Variants in IL1RAPL2 observed in about 807,000 individuals in gnomAD.
IL1RAPL2 encodes the protein X-linked interleukin-1 receptor accessory protein-like 2.
In IL1RAPL2, 3 loss-of-function variants were observed where a neutral mutation model predicts 44.1. That is an observed-to-expected ratio of 0.07 (90% confidence interval 0.03 to 0.18). The LOEUF (loss-of-function observed/expected upper bound fraction) is 0.18, where lower values mean the gene tolerates loss of function less well. IL1RAPL2 is among the 10% of genes least tolerant of loss of function. The probability of loss-of-function intolerance (pLI) is 1.00; values close to 1 mark genes in which losing one functional copy is unlikely to be tolerated. For missense variants in IL1RAPL2, 391 were observed against 496.4 expected (o/e 0.79, Z 2.02); for synonymous variants, 181 against 178.8 (o/e 1.01, Z -0.10).
At chrX:104,675,785 G>T (rs1428879427) in intron 2 of IL1RAPL2, among the ~76,000 whole-genome samples, 1 of 110,344 alleles carries the variant, frequency 9.1e-6, no homozygotes, top group East Asian at 2.8e-4. Context: ...TGGTGCTCCT[G>T]TATTGGGTGC....
intron 5 of IL1RAPL2, among the ~76,000 whole-genome samples, chrX:105,351,599 G>A (rs2035155026): frequency 9.1e-6 from 1 of 110,142 alleles, no homozygotes; most frequent in South Asian, 4.0e-4. Context: ...ATGGACACAG[G>A]GAGGGGAACA....
At chrX:104,630,979 T>A (rs1057237055) in intron 1 of IL1RAPL2, among the ~76,000 whole-genome samples, 1 of 110,700 alleles carries the variant, frequency 9.0e-6, no homozygotes, top group Admixed American at 9.7e-5. Flanking sequence ...CCTAATGCTA[T>A]CCTACCCCCC....
At chrX:104,644,565 T>A (rs985814514) in intron 1 of IL1RAPL2, among the ~76,000 whole-genome samples, 11 of 111,459 alleles carry the variant, frequency 9.9e-5, no homozygotes, top group Non-Finnish European at 1.7e-4. Context: ...CTGTTTTTTT[T>A]AAGTGTCCTT....
chrX:104,611,709 C>T (rs1373237304), intron 1 of IL1RAPL2, among the ~76,000 whole-genome samples: 3 of 109,093 alleles, frequency 2.7e-5, no homozygotes, highest in African/African-American at 1.0e-4. Flanking sequence ...TGATGGCAGG[C>T]GCCTGTAGTC....
At chrX:104,761,870 C>T (rs938576868) in intron 2 of IL1RAPL2, among the ~76,000 whole-genome samples, 1 of 44,961 alleles carries the variant, frequency 2.2e-5, no homozygotes, top group East Asian at 6.1e-4. Context: ...TCTCCTTCTC[C>T]TTCTCCTTCT....
chrX:104,585,648 G>A (rs1487390696), intron 1 of IL1RAPL2, among the ~76,000 whole-genome samples: 3 of 102,698 alleles, frequency 2.9e-5, no homozygotes, highest in East Asian at 3.1e-4. Context: ...CTATGTGACC[G>A]TGTGTTCTCA....
intron 5 of IL1RAPL2, among the ~76,000 whole-genome samples, chrX:105,358,037 T>TAAAA (rs774626399): frequency 0.033 from 1,328 of 40,597 alleles, 75 homozygotes; most frequent in African/African-American, 0.097. Context: ...ATCCTATTTC[T>TAAAA]AAAAAAAAAA....
chrX:104,725,228 G>A (rs1931764819), intron 2 of IL1RAPL2, among the ~76,000 whole-genome samples: 1 of 111,381 alleles, frequency 9.0e-6, no homozygotes, highest in Admixed American at 9.6e-5. Context: ...CCTTTTTATG[G>A]CTGCATAGTA....
At chrX:104,820,056 T>A (rs1454793103) in intron 2 of IL1RAPL2, among the ~76,000 whole-genome samples, 1 of 111,710 alleles carries the variant, frequency 9.0e-6, no homozygotes, top group Non-Finnish European at 1.9e-5. Context: ...CACCCTGTGT[T>A]CTCTAGATAA....
Position 105,333,928 on chromosome X carries a change from G to C in IL1RAPL2, c.697+66387G>C, listed in dbSNP as rs190763891. 3.6e-5 allele frequency among the ~76,000 whole-genome samples: 4 copies of C among 111,907 alleles called. No individual in the cohort carries two copies. The East Asian group carries it at 1.1e-3, about 32-fold the overall frequency. ...ACCCTCGTCCACTGTTGGTAGGAATGTAAATTAGTACAACCACTATGGAGT... is the reference window on the plus strand; with the variant it reads ...ACCCTCGTCCACTGTTGGTAGGAATCTAAATTAGTACAACCACTATGGAGT... On this transcript the variant is annotated intron_variant, in intron 5 of 10. Coordinates refer to ENST00000372582, the MANE Select transcript of IL1RAPL2 (RefSeq NM_017416.2).
At chrX:104,651,395 A>T (rs1407075167) in intron 1 of IL1RAPL2, among the ~76,000 whole-genome samples, 1 of 112,166 alleles carries the variant, frequency 8.9e-6, no homozygotes, top group Non-Finnish European at 1.9e-5. Context: ...TATAAAATCT[A>T]GTTCATGTTT....
At chrX:105,178,349 C>A (rs776691720) in intron 2 of IL1RAPL2, among the ~76,000 whole-genome samples, 3 of 111,650 alleles carry the variant, frequency 2.7e-5, no homozygotes, top group Non-Finnish European at 5.6e-5. Context: ...GTATAGATAC[C>A]AAATTTTCTT....
chrX:105,173,731 T>C (rs1448454215), intron 2 of IL1RAPL2, among the ~76,000 whole-genome samples: 1 of 109,188 alleles, frequency 9.2e-6, no homozygotes. Flanking sequence ...GCTGCTTCTT[T>C]TTTTTTTTTT....
intron 1 of IL1RAPL2, among the ~76,000 whole-genome samples, chrX:104,630,174 G>A (rs762512547): frequency 2.1e-5 from 2 of 97,368 alleles, no homozygotes; most frequent in East Asian, 6.6e-4. Context: ...TTGAGACGTA[G>A]TCTCACTCTG....
In IL1RAPL2 at chrX:104,755,147, T is replaced by C. The variant is rs1056406062; in HGVS notation, c.82+96152T>C. ...CAAATCTCTGAAATGATCAACAATA[T>C]CATACTCACGGTATCTTGTAATAGA... On this transcript the variant is annotated intron_variant, in intron 2 of 10. Coordinates refer to ENST00000372582, the MANE Select transcript of IL1RAPL2 (RefSeq NM_017416.2). Among the ~76,000 whole-genome samples, 10 of 111,540 alleles carry C rather than the reference T, an allele frequency of 9.0e-5. No homozygotes were observed. The East Asian group carries it at 2.8e-3, about 32-fold the overall frequency.
chrX:105,342,604 C>G (rs1160136561), intron 5 of IL1RAPL2, among the ~76,000 whole-genome samples: 1 of 111,668 alleles, frequency 9.0e-6, no homozygotes, highest in East Asian at 2.8e-4. Flanking sequence ...GAAGAGAGAA[C>G]CTCAGAGCAA....
chrX:105,014,782 C>T lies in IL1RAPL2; in HGVS notation c.83-180693C>T, dbSNP rs778451049. Among the ~76,000 whole-genome samples, 3 of 112,159 alleles carry T rather than the reference C, an allele frequency of 2.7e-5. No individual in the cohort carries two copies. The East Asian group carries it at 8.4e-4, about 32-fold the overall frequency. On this transcript the variant is annotated intron_variant, in intron 2 of 10. Transcript: ENST00000372582. ...CAGTGCCACAATAAACATATGGGTG[C>T]GTGTGTCTTTATAGTAGAATGATTT...
chrX:104,617,253 G>C (rs747497242), intron 1 of IL1RAPL2, among the ~76,000 whole-genome samples: 22 of 111,882 alleles, frequency 2.0e-4, no homozygotes, highest in African/African-American at 7.1e-4. Context: ...GCCTGATGGG[G>C]TTCCCTTTGC....
intron 6 of IL1RAPL2, among the ~76,000 whole-genome samples, chrX:105,505,555 A>C (rs906680257): frequency 2.7e-5 from 3 of 111,142 alleles, no homozygotes; most frequent in African/African-American, 9.8e-5. Flanking sequence ...GCATATATTA[A>C]GGTCTTGCAG....
Sources: allele counts gnomAD v4.1 joint callset (sites outside exome capture counted in the v4.1 genomes callset), GRCh38; gene constraint gnomAD v4.1.1; transcripts MANE v1.5; gene names NCBI Gene and HGNC (gene_info 2026-07-23, HGNC 2026-07-21).